Variants in CCSER1 observed in about 807,000 individuals in gnomAD.
The protein encoded by CCSER1 is serine-rich coiled-coil domain-containing protein 1.
CCSER1 carries 41 observed loss-of-function variants against 82.0 expected under a neutral mutation model. The observed-to-expected ratio is 0.50, with a 90% CI of 0.39 to 0.65. The LOEUF is 0.65. CCSER1 is among the 30% of genes least tolerant of loss of function. The pLI is 0.00. For synonymous variants in CCSER1, 414 were observed against 383.9 expected (o/e 1.08, Z -0.92); for missense variants, 1,119 against 1,064.2 (o/e 1.05, Z -0.72).
At chr4:90,540,787 A>C (rs1776004109) in intron 5 of CCSER1, among the ~76,000 whole-genome samples, 3 of 152,058 alleles carry the variant, frequency 2.0e-5, no homozygotes, top group Admixed American at 2.0e-4. Flanking sequence ...AAGTTGCATA[A>C]CTAATAAGAG....
chr4:91,364,160 T>C (rs1403696697), intron 10 of CCSER1, among the ~76,000 whole-genome samples: 1 of 152,112 alleles, frequency 6.6e-6, no homozygotes, highest in Non-Finnish European at 1.5e-5. Flanking sequence ...TAAATAATTA[T>C]ACTTTGATTT....
chr4:90,644,471 T>C (rs927983250), intron 6 of CCSER1, among the ~76,000 whole-genome samples: 1 of 152,082 alleles, frequency 6.6e-6, no homozygotes, highest in Non-Finnish European at 1.5e-5. Flanking sequence ...TTATTTAATT[T>C]AATTTAATTT....
At chr4:91,379,607 A>G (rs1249344212) in intron 10 of CCSER1, among the ~76,000 whole-genome samples, 1 of 152,024 alleles carries the variant, frequency 6.6e-6, no homozygotes, top group Non-Finnish European at 1.5e-5. Context: ...TATCCCCTTT[A>G]TCATTTTTTA....
chr4:90,885,607 G>C (rs1580928757), intron 8 of CCSER1, among the ~76,000 whole-genome samples: 1 of 152,228 alleles, frequency 6.6e-6, no homozygotes, highest in East Asian at 1.9e-4. Context: ...TTAGCCATAA[G>C]GTCATTATTT....
intron 5 of CCSER1, among the ~76,000 whole-genome samples, chr4:90,503,187 G>A (rs1770173626): frequency 6.6e-6 from 1 of 152,116 alleles, no homozygotes; most frequent in Non-Finnish European, 1.5e-5. Flanking sequence ...TATGAGATGA[G>A]TGTTATATTG....
Position 90,813,575 on chromosome 4 carries a change from C to T in CCSER1, c.2011-2187C>T, listed in dbSNP as rs116008987. ...GGGCTGTTCTTTCCTATGCTATTCT[C>T]GTGATTGTGCATAAGTCTCACAGAT... On this transcript the variant is annotated intron_variant, in intron 7 of 10. Coordinates refer to ENST00000509176, the MANE Select transcript of CCSER1 (RefSeq NM_001145065.2). 6.7e-3 allele frequency among the ~76,000 whole-genome samples: 1,016 copies of T among 152,220 alleles called. 9 individuals are homozygous for T. Among genetic ancestry groups the T allele is most frequent in the African/African-American group, 0.022 (921 of 41,546 alleles).
intron 9 of CCSER1, among the ~76,000 whole-genome samples, chr4:91,079,480 A>T (rs1008989718): frequency 6.6e-6 from 1 of 151,718 alleles, no homozygotes; most frequent in African/African-American, 2.4e-5. Flanking sequence ...ATGCCAAATA[A>T]GGCCATCAAT....
chr4:90,740,458 G>A (rs1280415652), intron 7 of CCSER1, among the ~76,000 whole-genome samples: 2 of 152,068 alleles, frequency 1.3e-5, no homozygotes, highest in Non-Finnish European at 2.9e-5. Flanking sequence ...TGCTTAATTT[G>A]TGTTAAAAGA....
intron 8 of CCSER1, among the ~76,000 whole-genome samples, chr4:90,917,958 G>A (rs1004251178): frequency 4.0e-5 from 6 of 151,642 alleles, no homozygotes; most frequent in African/African-American, 1.2e-4. Context: ...CATGACTTAG[G>A]ATCTAAATTT....
intron 1 of CCSER1, among the ~76,000 whole-genome samples, chr4:90,142,684 C>T (rs936059598): frequency 8.0e-5 from 12 of 150,096 alleles, no homozygotes; most frequent in South Asian, 2.1e-4. Flanking sequence ...GCTTATTGTG[C>T]GGTTTTTCTT....
intron 10 of CCSER1, among the ~76,000 whole-genome samples, chr4:91,144,519 T>A (rs1729361695): frequency 6.6e-6 from 1 of 151,964 alleles, no homozygotes; most frequent in Non-Finnish European, 1.5e-5. Flanking sequence ...GCTAGTTTGT[T>A]GTCATTTTCT....
chr4:90,301,764 T>C (rs1014889073), intron 1 of CCSER1, among the ~76,000 whole-genome samples: 3 of 152,088 alleles, frequency 2.0e-5, no homozygotes, highest in Admixed American at 6.6e-5. Flanking sequence ...GTTTATTTTA[T>C]CCAATTTGGA....
chr4:90,339,205 C>T (rs1740937623), intron 3 of CCSER1, among the ~76,000 whole-genome samples: 1 of 152,296 alleles, frequency 6.6e-6, no homozygotes, highest in Admixed American at 6.5e-5. Flanking sequence ...TCTCTGAGAA[C>T]TCACATTTAT....
chr4:90,836,723 T>C (rs1761852020), intron 8 of CCSER1, among the ~76,000 whole-genome samples: 1 of 152,182 alleles, frequency 6.6e-6, no homozygotes. Context: ...AAGCCCACAC[T>C]ACCTTCATGT....
intron 8 of CCSER1, among the ~76,000 whole-genome samples, chr4:90,911,900 A>G (rs1726443651): frequency 6.6e-6 from 1 of 152,170 alleles, no homozygotes; most frequent in Non-Finnish European, 1.5e-5. Context: ...GCAGTCTGAG[A>G]TCAAAGTGCA....
At chr4:90,505,817 G>A (rs1033667492) in intron 5 of CCSER1, among the ~76,000 whole-genome samples, 1 of 152,044 alleles carries the variant, frequency 6.6e-6, no homozygotes, top group Non-Finnish European at 1.5e-5. Flanking sequence ...TCTTGGTTTT[G>A]GCAGATTTTC....
intron 9 of CCSER1, among the ~76,000 whole-genome samples, chr4:91,081,734 T>C (rs1722777323): frequency 6.6e-6 from 1 of 152,190 alleles, no homozygotes; most frequent in Admixed American, 6.5e-5. Context: ...ACAAAATCAA[T>C]GTGCAAAAAT....
At chr4:90,867,652 A>AT (rs1360993636) in intron 8 of CCSER1, among the ~76,000 whole-genome samples, 1 of 151,830 alleles carries the variant, frequency 6.6e-6, no homozygotes, top group Non-Finnish European at 1.5e-5. Flanking sequence ...ATCTAAGTAT[A>AT]TTTTTTTACT....
At chr4:90,154,402 T>C (rs1323849171) in intron 1 of CCSER1, among the ~76,000 whole-genome samples, 2 of 152,116 alleles carry the variant, frequency 1.3e-5, no homozygotes, top group South Asian at 2.1e-4. Flanking sequence ...GTAGTTTTTT[T>C]GAATTCTGTG....
Sources: gnomAD v4.1 joint callset for allele counts (sites outside exome capture counted in the v4.1 genomes callset) on GRCh38, gnomAD v4.1.1 for gene constraint, MANE v1.5 for transcripts, NCBI Gene and HGNC (gene_info 2026-07-23, HGNC 2026-07-21) for gene names.